The following BICC1 variants were observed in gnomAD, a reference collection of about 807,000 sequenced individuals.
The protein encoded by BICC1 is protein bicaudal C homolog 1.
In BICC1, 43 loss-of-function variants were observed where a neutral mutation model predicts 111.0. That is an observed-to-expected ratio of 0.39 (90% confidence interval 0.30 to 0.50). The LOEUF (loss-of-function observed/expected upper bound fraction) is 0.50. Among genes scored for constraint, BICC1 ranks in the 20% least tolerant of loss-of-function variants. BICC1 has a pLI of 0.88. For missense variants in BICC1, 1,091 were observed against 1,203.2 expected (o/e 0.91, Z 1.38); for synonymous variants, 467 against 434.4 (o/e 1.07, Z -0.93).
intron 3 of BICC1, among the ~76,000 whole-genome samples, chr10:58,717,074 T>G (rs118013019): frequency 0.01 from 1,548 of 152,320 alleles, 10 homozygotes; most frequent in Non-Finnish European, 0.016. Flanking sequence ...TCATTTGAAT[T>G]AATTTTTACT....
At chr10:58,788,548 A>G (rs1843079820) in intron 6 of BICC1, 125 bp downstream of exon 6, 2 of 621,026 alleles carry the variant, frequency 3.2e-6, no homozygotes, top group African/African-American at 1.9e-5. Flanking sequence ...AATAGTGGCA[A>G]AAGTTATTTT....
intron 3 of BICC1, among the ~76,000 whole-genome samples, chr10:58,746,092 T>G (rs1397325247): frequency 6.6e-6 from 1 of 152,148 alleles, no homozygotes; most frequent in South Asian, 2.1e-4. Context: ...CATATTTTTG[T>G]AGCAATCCAA....
At chr10:58,712,425 T>A (rs1345355228) in intron 3 of BICC1, among the ~76,000 whole-genome samples, 1 of 152,220 alleles carries the variant, frequency 6.6e-6, no homozygotes, top group East Asian at 1.9e-4. Flanking sequence ...AGCAGCTTTA[T>A]TTGTAATTAT....
intron 2 of BICC1, among the ~76,000 whole-genome samples, chr10:58,636,717 C>T (rs1336140867): frequency 2.0e-5 from 3 of 152,092 alleles, no homozygotes; most frequent in African/African-American, 4.8e-5. Flanking sequence ...GCCATGAGTT[C>T]TGGCTTTGAA....
At position 58,817,442 on chromosome 10, in the gene BICC1, G is replaced by A. The variant is rs568978295; in HGVS notation, c.2534-120G>A. On this transcript the variant is annotated intron_variant, in intron 18 of 20. Transcript: ENST00000373886. The stretch of plus-strand genomic sequence containing the variant: ...AGTAAAGGATTGCTGTATTTCTACA[G>A]CTACTGCCCTATTCAGCTGAACAAT... 1,609 of 1,064,670 alleles carry A rather than the reference G, an allele frequency of 1.5e-3. 6 individuals carry two copies. The highest frequency in any genetic ancestry group is 2.0e-3 in the Admixed American group (110 of 55,494). 66.0% of individuals were successfully genotyped at this position (1,064,670 alleles called of 1,614,324 possible). A position where few individuals can be genotyped will look rare whatever the true frequency, so the allele number is the denominator to read the frequency against.
chr10:58,823,514 CTTG>C, intron 20 of BICC1: 3 of 984,098 alleles, frequency 3.0e-6, no homozygotes, highest in Non-Finnish European at 3.6e-6. Context: ...GTTGGATTCC[CTTG>C]TGATCATTTT....
At chr10:58,610,763 C>A (rs1480051315) in intron 1 of BICC1, among the ~76,000 whole-genome samples, 1 of 151,586 alleles carries the variant, frequency 6.6e-6, no homozygotes, top group African/African-American at 2.4e-5. Context: ...ATACATTTTT[C>A]TTTTTGCGGT....
intron 1 of BICC1, among the ~76,000 whole-genome samples, chr10:58,573,028 T>C (rs2131986493): frequency 6.6e-6 from 1 of 151,880 alleles, no homozygotes; most frequent in East Asian, 1.9e-4. Flanking sequence ...CTTTGGATCC[T>C]GTGTTTTCTA....
rs150549154 is a variant in BICC1 at position 58,776,925 on chromosome 10, C to T, written c.308-8076C>T. ...TTTGTTTCTTTCTTTTTCCACCCTC[C>T]GTGTTCCAAAGCTGGATTTCTCTTA... On this transcript the variant is annotated intron_variant, in intron 3 of 20. Transcript: ENST00000373886. Among the ~76,000 whole-genome samples, 699 of 152,136 alleles carry T rather than the reference C, an allele frequency of 4.6e-3. 3 individuals carry two copies. The highest frequency in any genetic ancestry group is 0.016 in the African/African-American group (667 of 41,500).
At chr10:58,555,267 T>G (rs1003600138) in intron 1 of BICC1, among the ~76,000 whole-genome samples, 10 of 151,492 alleles carry the variant, frequency 6.6e-5, no homozygotes, top group African/African-American at 2.2e-4. Flanking sequence ...AGATGTCAGG[T>G]TTTTATTTTA....
intron 11 of BICC1, 120 bp downstream of exon 11, chr10:58,798,680 T>G (rs1208909611): frequency 7.7e-6 from 7 of 909,374 alleles, no homozygotes; most frequent in Non-Finnish European, 9.4e-6. Context: ...GCATACTCCA[T>G]TGAAACAGAA....
Position 58,798,552 on chromosome 10 carries a change from G to T in BICC1, c.1520G>T (p.Ser507Ile). Residue 507 changes from serine (S) to isoleucine (I), a missense_variant, in exon 11 of 21, where the codon AGT becomes ATT. Around this residue, in one of 3 missense-constraint regions of BICC1, gnomAD observed 843 missense variants for 900.8 expected, o/e 0.94. Transcript: ENST00000373886. ...GCACCCCCACTTGCTAATACTTCAAGTGCCACAGGTCAGTATCATTTAAGT... is the reference window on the plus strand; with the variant it reads ...GCACCCCCACTTGCTAATACTTCAATTGCCACAGGTCAGTATCATTTAAGT... ...LWAPPLANTS[S>I]ATGFSAIPHL... 6.2e-7 allele frequency: 1 copy of T among 1,606,614 alleles called. No homozygotes were observed. Among genetic ancestry groups the T allele is most frequent in the East Asian group, 2.2e-5 (1 of 44,608 alleles).
At chr10:58,592,604 A>G (rs1330145808) in intron 1 of BICC1, among the ~76,000 whole-genome samples, 1 of 151,846 alleles carries the variant, frequency 6.6e-6, no homozygotes. Flanking sequence ...AGTCCCAGCT[A>G]CTTGGGAGGC....
At chr10:58,696,907 C>A (rs1321002317) in intron 2 of BICC1, among the ~76,000 whole-genome samples, 1 of 152,138 alleles carries the variant, frequency 6.6e-6, no homozygotes, top group East Asian at 1.9e-4. Context: ...GGCTGGAATT[C>A]ACTCTAGGGC....
At chr10:58,548,595 T>C (rs1180686004) in intron 1 of BICC1, among the ~76,000 whole-genome samples, 2 of 152,206 alleles carry the variant, frequency 1.3e-5, no homozygotes, top group Non-Finnish European at 2.9e-5. Flanking sequence ...AAGAGAATAC[T>C]TTCATATCCT....
At chr10:58,669,725 C>T (rs573866140) in intron 2 of BICC1, among the ~76,000 whole-genome samples, 96 of 152,140 alleles carry the variant, frequency 6.3e-4, no homozygotes, top group African/African-American at 2.2e-3. Context: ...TCCCTTAAAA[C>T]GTTACATAAT....
chr10:58,550,596 G>T (rs1388816132), intron 1 of BICC1, among the ~76,000 whole-genome samples: 1 of 151,668 alleles, frequency 6.6e-6, no homozygotes. Flanking sequence ...GATTCATTTT[G>T]CATTGTTTGT....
intron 1 of BICC1, among the ~76,000 whole-genome samples, chr10:58,587,037 G>A (rs571868307): frequency 6.6e-6 from 1 of 152,236 alleles, no homozygotes; most frequent in South Asian, 2.1e-4. Context: ...ACTGTGGGTG[G>A]CCTAATTAAA....
intron 2 of BICC1, among the ~76,000 whole-genome samples, chr10:58,697,569 G>T (rs1840100282): frequency 6.6e-6 from 1 of 152,096 alleles, no homozygotes; most frequent in South Asian, 2.1e-4. Flanking sequence ...TTTGATTTCA[G>T]CCACATCTTC....
Sources: gnomAD v4.1 joint callset for allele counts (sites outside exome capture counted in the v4.1 genomes callset) on GRCh38, gnomAD v4.1.1 for gene constraint, gnomAD v4.1.1 regional missense constraint, MANE v1.5 for transcripts, NCBI Gene and HGNC (gene_info 2026-07-23, HGNC 2026-07-21) for gene names.